DNAH10: variants seen among roughly 807,000 people sequenced by gnomAD.
DNAH10 encodes axonemal beta dynein heavy chain 10.
A neutral mutation model predicts 506.6 loss-of-function variants in DNAH10; 348 were observed. That is an observed-to-expected ratio of 0.69 (90% CI 0.63 to 0.75). DNAH10 has a LOEUF of 0.75. Among genes scored for constraint, DNAH10 ranks in the 30% least tolerant of loss-of-function variants. The pLI is 0.00. For synonymous variants in DNAH10, 2,059 were observed against 2,198.6 expected (o/e 0.94, Z 1.78); for missense variants, 5,179 against 5,787.1 (o/e 0.89, Z 3.41).
At chr12:123,832,017 T>TC in intron 26 of DNAH10, among the ~76,000 whole-genome samples, 1 of 152,282 alleles carries the variant, frequency 6.6e-6, no homozygotes, top group East Asian at 1.9e-4. Context: ...AGTACATGAC[T>TC]GTACATAGTA....
intron 50 of DNAH10, among the ~76,000 whole-genome samples, chr12:123,880,040 G>A (rs577152138): frequency 2.0e-5 from 3 of 152,160 alleles, no homozygotes; most frequent in Non-Finnish European, 4.4e-5. Flanking sequence ...GCCCATGGAG[G>A]GTCCCCAGAT....
Position 123,787,874 on chromosome 12 carries a change from T to C in DNAH10, c.1492T>C (p.Tyr498His). 1.2e-6 allele frequency: 2 copies of C among 1,613,952 alleles called. No individual in the cohort carries two copies. The highest frequency in any genetic ancestry group is 1.7e-6 in the Non-Finnish European group (2 of 1,179,980). ...RNTLRLWKKA[Y>H]FDTRAKIEAS... ...CACCCTCAGGCTGTGGAAAAAGGCC[T>C]ATTTTGACACCCGGGCCAAGATAGA... The change falls in exon 10 of 79, where the codon TAT becomes CAT. Residue 498 changes from tyrosine to histidine, a missense_variant. This residue lies in a region of DNAH10 where 4,844 missense variants were observed against 5,430.5 expected (regional missense o/e 0.89). Coordinates refer to ENST00000673944, the MANE Select transcript of DNAH10 (RefSeq NM_001372106.1). This position sits in a 1 kb window ranked among gnomAD's most constrained non-coding sequence, Gnocchi z 4.6.
rs574754564 is a variant in DNAH10, at chr12:123,902,638, G to A, written c.9641-301G>A. Among the ~76,000 whole-genome samples the A allele has an allele frequency of 2.6e-5, 4 of 152,288 alleles. No individual in the cohort carries two copies. Among genetic ancestry groups the A allele is most frequent in the South Asian group, 2.1e-4 (1 of 4,824 alleles). ...GACCCCAGCATCCTCACTGAACACCGGCGAGGCAGGGCTGGGGGCTATCAG... is the reference window on the plus strand; with the variant it reads ...GACCCCAGCATCCTCACTGAACACCAGCGAGGCAGGGCTGGGGGCTATCAG... On this transcript the variant is annotated intron_variant, in intron 56 of 78. Transcript: ENST00000673944. This position sits in a 1 kb window ranked among gnomAD's most constrained non-coding sequence, Gnocchi z 4.5.
At chr12:123,810,263 C>T (rs1425812268) in intron 19 of DNAH10, among the ~76,000 whole-genome samples, 3 of 152,204 alleles carry the variant, frequency 2.0e-5, no homozygotes, top group South Asian at 2.1e-4. Flanking sequence ...CATCACCCCC[C>T]AGCACACTGG....
chr12:123,881,713 G>A lies in DNAH10; in HGVS notation c.8723G>A (p.Arg2908His), dbSNP rs557827235. ...CTGGAGCATTTAACCCGGGTGCACCGTATCATCCGCATGGACCGCGGCCAC... is the reference window on the plus strand; with the variant it reads ...CTGGAGCATTTAACCCGGGTGCACCATATCATCCGCATGGACCGCGGCCAC... The part of the protein sequence containing the change: ...DALEHLTRVH[R>H]IIRMDRGHAL... The change falls in exon 51 of 79, where the codon CGT becomes CAT. Residue 2908 changes from arginine (R) to histidine (H), a missense_variant. By Grantham distance (29) the Arg-to-His change is conservative. Coordinates refer to ENST00000673944, the MANE Select transcript of DNAH10 (RefSeq NM_001372106.1). 5.2e-6 allele frequency: 8 copies of A among 1,549,580 alleles called. No individual in the cohort carries two copies. Among genetic ancestry groups the A allele is most frequent in the Middle Eastern group, 1.7e-4 (1 of 5,992 alleles).
Position 123,931,999 on chromosome 12 carries a change from TTATCGGGCA to T in DNAH10, c.13192_13200del (p.Gly4398_Ile4400del). The T allele has an allele frequency of 1.2e-6, 2 of 1,614,080 alleles. No homozygotes were observed. The highest frequency in any genetic ancestry group is 1.7e-6 in the Non-Finnish European group (2 of 1,179,908). ...TTAGATGATGTGGCCAGGTCTCTTT[TTATCGGGCA>T]TATCCCTAATATCTGGAGAAGGCTT... On this transcript the variant is annotated inframe_deletion, in exon 76 of 79. Coordinates refer to ENST00000673944, the MANE Select transcript of DNAH10 (RefSeq NM_001372106.1).
chr12:123,917,933 C>A lies in DNAH10; in HGVS notation c.11232+120C>A. The A allele has an allele frequency of 9.1e-7, 1 of 1,104,498 alleles. No individual in the cohort carries two copies. Among genetic ancestry groups the A allele is most frequent in the Non-Finnish European group, 1.3e-6 (1 of 770,768 alleles). 68.4% of individuals were successfully genotyped at this position (1,104,498 alleles called of 1,614,324 possible). On this transcript the variant is annotated intron_variant, in intron 64 of 78. Transcript: ENST00000673944. This position sits in a 1 kb window ranked among gnomAD's most constrained non-coding sequence, Gnocchi z 5.6. Reference sequence around the variant, plus strand: ...CTCTGTGATCTCAGGGCTAAAAACCCACCTCTATTGGGATGTGCTGTGGGG... The same window carrying A: ...CTCTGTGATCTCAGGGCTAAAAACCAACCTCTATTGGGATGTGCTGTGGGG...
intron 31 of DNAH10, 39 bp downstream of exon 31, chr12:123,845,908 C>A: frequency 1.2e-6 from 2 of 1,612,528 alleles, no homozygotes; most frequent in Non-Finnish European, 1.7e-6. Context: ...TCAAAAGGGA[C>A]CCTTTGTGGT....
Position 123,813,590 on chromosome 12 carries a change from C to A in DNAH10, c.3571C>A (p.Leu1191Ile). ...CTGGGTGATTTCGCTTGGAAAACTT[C>A]TCAATGAGTCAGCAAAAGAGGAGCT... ...KSWVISLGKL[L>I]NESAKEELYN... The change falls in exon 20 of 79, where the codon CTC becomes ATC. Residue 1191 changes from leucine to isoleucine, a missense_variant. Leu to Ile is a conservative substitution (Grantham distance 5). This residue lies in a region of DNAH10 where 4,844 missense variants were observed against 5,430.5 expected (regional missense o/e 0.89). Coordinates refer to ENST00000673944, the MANE Select transcript of DNAH10 (RefSeq NM_001372106.1). The A allele has an allele frequency of 1.9e-6, 3 of 1,614,170 alleles. No individual in the cohort carries two copies. The highest frequency in any genetic ancestry group is 2.5e-6 in the Non-Finnish European group (3 of 1,180,028).
intron 5 of DNAH10, among the ~76,000 whole-genome samples, chr12:123,778,202 C>G (rs571198086): frequency 1.6e-5 from 1 of 63,900 alleles, no homozygotes; most frequent in South Asian, 5.6e-4. Context: ...TACTCCATCT[C>G]TAAAAAAAAA....
rs1221082103 is a variant in DNAH10 at position 123,926,310 on chromosome 12, C to CTCAAG, written c.11922-327_11922-326insTCAAG. The CTCAAG allele has an allele frequency of 7.6e-5, 23 of 303,286 alleles. No individual in the cohort carries two copies. The highest frequency in any genetic ancestry group is 4.5e-4 in the African/African-American group (21 of 46,288). The allele number at this position is 303,286 out of a possible 1,614,324, so 18.8% of individuals were successfully genotyped here. On this transcript the variant is annotated intron_variant, in intron 68 of 78. Transcript: ENST00000673944. This position sits in a 1 kb window ranked among gnomAD's most constrained non-coding sequence, Gnocchi z 4.1. ...AAAACTCAAAACTCAAGATGTGGAC[C>CTCAAG]ATTCAGGACACGCCTGTGGAACCTC... is the stretch of plus-strand genomic sequence containing the variant.
chr12:123,829,411 G>A (rs1034663476), intron 25 of DNAH10, among the ~76,000 whole-genome samples: 1 of 152,196 alleles, frequency 6.6e-6, no homozygotes, highest in African/African-American at 2.4e-5. Context: ...CTGGACAGAG[G>A]AGTTGGTTCA....
chr12:123,810,636 C>T (rs935414624), intron 19 of DNAH10, among the ~76,000 whole-genome samples: 9 of 151,492 alleles, frequency 5.9e-5, no homozygotes, highest in Middle Eastern at 3.4e-3. Flanking sequence ...GAGCTTGCAG[C>T]GAGCCGAGAT....
intron 59 of DNAH10, among the ~76,000 whole-genome samples, chr12:123,912,731 T>C (rs1036106632): frequency 2.3e-4 from 35 of 152,214 alleles, no homozygotes; most frequent in African/African-American, 8.2e-4. Flanking sequence ...TATTGTGACC[T>C]TGCGCTATAG....
At chr12:123,934,375 C>T in intron 77 of DNAH10, 1 of 656,606 alleles carries the variant, frequency 1.5e-6, no homozygotes, top group South Asian at 1.7e-5. Context: ...GGGGGAGAGG[C>T]CACCGCCCCA....
intron 1 of DNAH10, among the ~76,000 whole-genome samples, chr12:123,765,042 A>T (rs1956967347): frequency 6.6e-6 from 1 of 151,948 alleles, no homozygotes; most frequent in East Asian, 1.9e-4. Flanking sequence ...TGTTCAGAGG[A>T]CCTGCAGAGA....
In DNAH10 at chr12:123,785,837, A is replaced by G. The variant is rs1957829393; in HGVS notation, c.1322A>G (p.His441Arg). Residue 441 changes from histidine to arginine, a missense_variant, in exon 9 of 79, where the codon CAC becomes CGC. This residue lies in a region of DNAH10 where 4,844 missense variants were observed against 5,430.5 expected (regional missense o/e 0.89). Transcript: ENST00000673944. The surrounding 1 kb of genome is among the most constrained non-coding windows in gnomAD (Gnocchi z 4.1). ...CGGATGGTGTGGATCATCTCCCGAC[A>G]CTACAACAAAGACGAGAGGATGATT... ...ALRMVWIISR[H>R]YNKDERMIPL... The G allele has an allele frequency of 6.2e-7, 1 of 1,614,084 alleles. No homozygotes were observed. Among genetic ancestry groups the G allele is most frequent in the South Asian group, 1.1e-5 (1 of 91,078 alleles).
intron 61 of DNAH10, 40 bp downstream of exon 61, chr12:123,914,590 TTAGC>T (rs1249865444): frequency 6.3e-7 from 1 of 1,587,876 alleles, no homozygotes; most frequent in Non-Finnish European, 8.6e-7. Context: ...AGGGGACACC[TTAGC>T]ACAGGGGGTC....
rs755794475 is a variant in DNAH10, at chr12:123,864,776, A to G, written c.7044+46A>G. 27 of 1,564,776 alleles carry G rather than the reference A, an allele frequency of 1.7e-5. No individual in the cohort carries two copies. In the East Asian group the frequency reaches 5.9e-4, roughly 34 times the overall value. On this transcript the variant is annotated intron_variant, in intron 40 of 78. Coordinates refer to ENST00000673944, the MANE Select transcript of DNAH10 (RefSeq NM_001372106.1). ...AATTTGAACATAAATCTTTCTTGTA[A>G]TTAAAAATGCAAATGTTTGTTAAAG... is the stretch of plus-strand genomic sequence containing the variant.
Sources: gnomAD v4.1 joint callset for allele counts (sites outside exome capture counted in the v4.1 genomes callset) on GRCh38, gnomAD v4.1.1 for gene constraint, gnomAD v4.1.1 regional missense constraint, Gnocchi (gnomAD v3.1) non-coding constraint, MANE v1.5 for transcripts, NCBI Gene and HGNC (gene_info 2026-07-23, HGNC 2026-07-21) for gene names.